KCNC3: variants seen among roughly 807,000 people sequenced by gnomAD.
KCNC3 encodes potassium voltage-gated channel subfamily C member 3.
In KCNC3, 22 loss-of-function variants were observed where a neutral mutation model predicts 43.9. The observed-to-expected ratio is 0.50, with a 90% confidence interval of 0.36 to 0.72. KCNC3 has a LOEUF of 0.72. Among genes scored for constraint, KCNC3 ranks in the 30% least tolerant of loss-of-function variants. The pLI is 0.00. For synonymous variants in KCNC3, 492 were observed against 488.0 expected (o/e 1.01, Z -0.11); for missense variants, 829 against 1,073.8 (o/e 0.77, Z 3.19).
chr19:50,316,421 T>C (rs942190624), intron 4 of KCNC3, among the ~76,000 whole-genome samples: 1 of 150,350 alleles, frequency 6.7e-6, no homozygotes, highest in African/African-American at 2.5e-5. Context: ...GAAAGGAGGG[T>C]CTTGGGAGGA....
At chr19:50,331,001 C>T (rs1601105458), upstream of KCNC3, among the ~76,000 whole-genome samples, 2 of 151,994 alleles carry the variant, frequency 1.3e-5, no homozygotes, top group African/African-American at 4.8e-5. Flanking sequence ...GTTTCTGGCC[C>T]GCCGCTTCCT....
chr19:50,312,226 GC>G lies in KCNC3; in HGVS notation c.*3888del, dbSNP rs1468387077. 4 of 143,074 alleles carry G rather than the reference GC, an allele frequency of 2.8e-5. No individual in the cohort carries two copies. Among genetic ancestry groups the G allele is most frequent in the Non-Finnish European group, 6.2e-5 (4 of 64,992 alleles). The allele number at this position is 143,074 out of a possible 1,614,324, so 8.9% of individuals were successfully genotyped here. A position where few individuals can be genotyped will look rare whatever the true frequency, so the allele number is the denominator to read the frequency against. On this transcript the variant is annotated 3_prime_UTR_variant, in exon 5 of 5. Coordinates refer to ENST00000477616, the MANE Select transcript of KCNC3 (RefSeq NM_004977.3). ...GAACCCCGCCCCCATCCCTGAGAGC[GC>G]CCCCTCACCACTCCCCCCACCAGCG...
Position 50,328,821 on chromosome 19 carries a change from C to G in KCNC3, c.262G>C (p.Gly88Arg). Residue 88 changes from glycine to arginine, a missense_variant, in exon 1 of 5, where the codon GGC (glycine) becomes CGC (arginine). Physicochemically the swap from Gly to Arg is moderately radical, Grantham distance 125 (BLOSUM62 -2). Around this residue, in one of 7 missense-constraint regions of KCNC3, gnomAD observed 121 missense variants for 247.4 expected, o/e 0.49. Coordinates refer to ENST00000477616, the MANE Select transcript of KCNC3 (RefSeq NM_004977.3). ...GRHGGGGGDS[G>R]KIVINVGGVR... ...CCGCCCACGTTGATCACGATCTTGC[C>G]GCTGTCGCCACCGCCGCCGCCGTGC... 2 of 1,506,844 alleles carry G rather than the reference C, an allele frequency of 1.3e-6. No homozygotes were observed. The highest frequency in any genetic ancestry group is 1.8e-6 in the Non-Finnish European group (2 of 1,132,372). The allele number at this position is 1,506,844 out of a possible 1,614,324, so 93.3% of individuals were successfully genotyped here. A position where few individuals can be genotyped will look rare whatever the true frequency, so the allele number is the denominator to read the frequency against.
chr19:50,322,158 G>T (rs141031476), intron 2 of KCNC3, among the ~76,000 whole-genome samples: 9 of 152,070 alleles, frequency 5.9e-5, no homozygotes, highest in Admixed American at 3.3e-4. Context: ...GTGCAGGGGG[G>T]GGCCACCAGC....
At position 50,320,703 on chromosome 19, in the gene KCNC3, G is replaced by C. The variant is rs774054106; in HGVS notation, c.2060C>G (p.Pro687Arg). The C allele has an allele frequency of 1.9e-6, 3 of 1,613,786 alleles. No individual in the cohort carries two copies. Among genetic ancestry groups the C allele is most frequent in the African/African-American group, 2.7e-5 (2 of 74,842 alleles). Residue 687 changes from proline (P) to arginine (R), a missense_variant, in exon 3 of 5, where the codon CCG becomes CGG. This residue lies in a region of KCNC3 where 308 missense variants were observed against 276.2 expected (regional missense o/e 1.11). Coordinates refer to ENST00000477616, the MANE Select transcript of KCNC3 (RefSeq NM_004977.3). ...CPAIDQPAMSPEDKSPITPGS... is the reference protein window; with the variant it reads ...CPAIDQPAMSREDKSPITPGS... ...AGGCGTGATGGGGCTCTTGTCTTCC[G>C]GGGACATGGCAGGCTGGTCAATGGC... is the stretch of plus-strand genomic sequence containing the variant.
chr19:50,316,462 CT>C (rs1198608735), intron 4 of KCNC3, among the ~76,000 whole-genome samples: 2 of 151,876 alleles, frequency 1.3e-5, no homozygotes, highest in Admixed American at 1.3e-4. Context: ...GGGAAGAAGC[CT>C]GGCGCAGTGG....
At chr19:50,317,205 C>T (rs1043502216) in intron 4 of KCNC3, among the ~76,000 whole-genome samples, 1 of 146,214 alleles carries the variant, frequency 6.8e-6, no homozygotes, top group Non-Finnish European at 1.5e-5. Flanking sequence ...TGGACAATGA[C>T]GGGGAGGTTA....
intron 4 of KCNC3, 44 bp from the exon 5 acceptor site, chr19:50,316,135 G>T: frequency 2.5e-6 from 1 of 407,104 alleles, no homozygotes; most frequent in South Asian, 1.3e-4. Context: ...GGGAGAGGAT[G>T]GTCAGGGGAA....
At position 50,323,507 on chromosome 19, in the gene KCNC3, G is replaced by A. The variant is rs758993937; in HGVS notation, c.1446C>T (p.Ser482=). The change falls in exon 2 of 5, where the codon TCC becomes TCT. Residue 482 remains serine (S), a synonymous_variant. Coordinates refer to ENST00000477616, the MANE Select transcript of KCNC3 (RefSeq NM_004977.3). ...IGADPDDILG[S]NHTYFKNIPI... is the part of the protein sequence containing the mutation. ...GGATGTTCTTGAAGTAGGTGTGGTT[G>A]GAGCCCAGGATGTCATCGGGGTCGG... The A allele has an allele frequency of 5.0e-6, 8 of 1,614,130 alleles. No homozygotes were observed. The Admixed American group carries it at 1.3e-4, about 27-fold the overall frequency.
Position 50,323,794 on chromosome 19 carries a change from C to A in KCNC3, c.1159G>T (p.Val387Leu), listed in dbSNP as rs757536869. 1.2e-5 allele frequency: 19 copies of A among 1,614,082 alleles called. No individual in the cohort carries two copies. The highest frequency in any genetic ancestry group is 1.1e-5 in the Non-Finnish European group (13 of 1,180,044). Residue 387 changes from valine (V) to leucine (L), a missense_variant, in exon 2 of 5, where the codon GTG (valine) becomes TTG (leucine). Physicochemically the swap from Val to Leu is conservative, Grantham distance 32. This residue lies in a region of KCNC3 where 157 missense variants were observed against 293.5 expected (regional missense o/e 0.53). Transcript: ENST00000477616. ...LKSSLNIIDC[V>L]AILPFYLEVG... is the part of the protein sequence containing the mutation. Reference sequence around the variant, plus strand: ...TCGAGATAGAAGGGCAGGATGGCCACACAGTCGATGATGTTGAGGCTGCTT... The same window carrying A: ...TCGAGATAGAAGGGCAGGATGGCCAAACAGTCGATGATGTTGAGGCTGCTT...
upstream of KCNC3, among the ~76,000 whole-genome samples, chr19:50,332,449 G>C (rs1456007895): frequency 1.3e-5 from 2 of 152,180 alleles, no homozygotes; most frequent in Non-Finnish European, 2.9e-5. The surrounding 1 kb of genome is among the most constrained non-coding windows in gnomAD (Gnocchi z 5.8). Context: ...GAGGGGAAGA[G>C]GCAGCGGGCC....
In KCNC3 at chr19:50,316,038, G is replaced by T; in HGVS notation, c.*77C>A. ...AGCCATTCCCAATTGCTAACCTGGG[G>T]GGAAGGGGCGGGGGGGACCGAAAGT... On this transcript the variant is annotated 3_prime_UTR_variant, in exon 5 of 5. Transcript: ENST00000477616. 1 of 375,692 alleles carries T rather than the reference G, an allele frequency of 2.7e-6. No homozygotes were observed. Among genetic ancestry groups the T allele is most frequent in the Non-Finnish European group, 5.0e-6 (1 of 201,354 alleles). The allele number at this position is 375,692 out of a possible 1,614,324, so 23.3% of individuals were successfully genotyped here. A position where few individuals can be genotyped will look rare whatever the true frequency, so the allele number is the denominator to read the frequency against.
chr19:50,316,251 G>A (rs1344632839), intron 4 of KCNC3, among the ~76,000 whole-genome samples, 160 bp from the exon 5 acceptor site: 1 of 151,556 alleles, frequency 6.6e-6, no homozygotes, highest in African/African-American at 2.4e-5. Context: ...ATGGGGGGCG[G>A]CTGAGACATC....
chr19:50,321,460 G>A (rs534846595), intron 2 of KCNC3, among the ~76,000 whole-genome samples: 38 of 151,986 alleles, frequency 2.5e-4, no homozygotes, highest in Non-Finnish European at 4.3e-4. Context: ...GTGAGACCCT[G>A]TCTCCAAAAA....
chr19:50,316,573 T>C (rs1043000344), intron 4 of KCNC3, among the ~76,000 whole-genome samples: 8 of 151,958 alleles, frequency 5.3e-5, no homozygotes, highest in African/African-American at 1.9e-4. Context: ...CCATCTCTAC[T>C]AAAAATCCAA....
At position 50,320,580 on chromosome 19, in the gene KCNC3, G is replaced by C. The variant is rs746109913; in HGVS notation, c.2170+13C>G. 1.9e-6 allele frequency: 3 copies of C among 1,608,798 alleles called. No homozygotes were observed. Among genetic ancestry groups the C allele is most frequent in the South Asian group, 2.2e-5 (2 of 90,466 alleles). On this transcript the variant is annotated intron_variant, in intron 3 of 4. Coordinates refer to ENST00000477616, the MANE Select transcript of KCNC3 (RefSeq NM_004977.3). ...GGGAGGGTCCCAGGGGATCAGTAGGGGGGGCACCTCACCTTTTCGGATGGA... is the reference window on the plus strand; with the variant it reads ...GGGAGGGTCCCAGGGGATCAGTAGGCGGGGCACCTCACCTTTTCGGATGGA...
At chr19:50,320,834 G>A (rs773722510) in intron 2 of KCNC3, 50 bp from the exon 3 acceptor site, 47 of 1,574,760 alleles carry the variant, frequency 3.0e-5, no homozygotes, top group Middle Eastern at 3.3e-4. Flanking sequence ...AGTGAGGTGC[G>A]GTGAACACGC....
At position 50,328,762 on chromosome 19, in the gene KCNC3, G is replaced by A. The variant is rs1388030228; in HGVS notation, c.321C>T (p.Arg107=). 7 of 1,587,908 alleles carry A rather than the reference G, an allele frequency of 4.4e-6. No individual in the cohort carries two copies. Among genetic ancestry groups the A allele is most frequent in the Non-Finnish European group, 6.0e-6 (7 of 1,168,120 alleles). Residue 107 remains arginine (R), a synonymous_variant, in exon 1 of 5, where the codon CGC becomes CGT. Coordinates refer to ENST00000477616, the MANE Select transcript of KCNC3 (RefSeq NM_004977.3). The stretch of plus-strand genomic sequence containing the variant: ...CGGCCAGCCGCGTCCCCGGCAGGGT[G>A]CGCAGCGTCGAGCGGTACGTCTCAT... ...VRHETYRSTL[R]TLPGTRLAGL...
In KCNC3 at chr19:50,314,658, C is replaced by T; in HGVS notation, c.*1457G>A. On this transcript the variant is annotated 3_prime_UTR_variant, in exon 5 of 5. Coordinates refer to ENST00000477616, the MANE Select transcript of KCNC3 (RefSeq NM_004977.3). Reference sequence around the variant, plus strand: ...GAAGAGTTGGGGGGACGGGCTGTGGCCCCTCTCTCCATCCTGGGGGCCCAG... The same window carrying T: ...GAAGAGTTGGGGGGACGGGCTGTGGTCCCTCTCTCCATCCTGGGGGCCCAG... The T allele has an allele frequency of 1.1e-5, 4 of 363,066 alleles. No individual in the cohort carries two copies. Among genetic ancestry groups the T allele is most frequent in the South Asian group, 7.9e-5 (4 of 50,360 alleles). The allele number at this position is 363,066 out of a possible 1,614,324, so 22.5% of individuals were successfully genotyped here.
Sources: gnomAD v4.1 joint callset for allele counts (sites outside exome capture counted in the v4.1 genomes callset) on GRCh38, gnomAD v4.1.1 for gene constraint, gnomAD v4.1.1 regional missense constraint, Gnocchi (gnomAD v3.1) non-coding constraint, MANE v1.5 for transcripts, NCBI Gene and HGNC (gene_info 2026-07-23, HGNC 2026-07-21) for gene names.